TTC6: variants seen among roughly 807,000 people sequenced by gnomAD.
The protein encoded by TTC6 is tetratricopeptide repeat protein 6.
TTC6 carries 172 observed loss-of-function variants against 210.4 expected under a neutral mutation model. That is an observed-to-expected ratio of 0.82 (90% confidence interval 0.72 to 0.93). The LOEUF is 0.93. Ranked by LOEUF, TTC6 falls within the 40% of genes least tolerant of loss-of-function variation. TTC6 has a pLI of 0.00. For synonymous variants in TTC6, 804 were observed against 819.6 expected (o/e 0.98, Z 0.32); for missense variants, 2,414 against 2,318.1 (o/e 1.04, Z -0.85).
intron 6 of TTC6, chr14:37,720,415 A>G (rs2095859553): frequency 6.6e-6 from 1 of 152,172 alleles, no homozygotes; most frequent in South Asian, 2.1e-4. Flanking sequence ...TAATTTGTAC[A>G]CAAAATTCAT....
rs146811051 is a variant in TTC6 at position 37,637,882 on chromosome 14, T to C, written c.939+14879T>C. On this transcript the variant is annotated intron_variant, in intron 1 of 30. Coordinates refer to ENST00000553443, the Ensembl canonical transcript of TTC6. Reference sequence around the variant, plus strand: ...TGCTGGATTACTCATACGTTGTTGGTAGGAATATAAGATGACATAGCCACT... The same window carrying C: ...TGCTGGATTACTCATACGTTGTTGGCAGGAATATAAGATGACATAGCCACT... Among the ~76,000 whole-genome samples, 886 of 152,284 alleles carry C rather than the reference T, an allele frequency of 5.8e-3. 13 individuals are homozygous for C. The highest frequency in any genetic ancestry group is 0.02 in the African/African-American group (832 of 41,550).
upstream of TTC6, among the ~76,000 whole-genome samples, chr14:37,618,122 A>G (rs2095645640): frequency 6.6e-6 from 1 of 152,202 alleles, no homozygotes; most frequent in Non-Finnish European, 1.5e-5. Context: ...TACAGTCTAG[A>G]GCAAAGTTTT....
intron 1 of TTC6, among the ~76,000 whole-genome samples, chr14:37,624,709 C>G (rs1227621973): frequency 6.6e-6 from 1 of 152,000 alleles, no homozygotes; most frequent in Non-Finnish European, 1.5e-5. Context: ...GCCACCTTCA[C>G]CTCCTGGGTT....
At chr14:37,691,629 T>A (rs2095803757) in intron 3 of TTC6, among the ~76,000 whole-genome samples, 1 of 152,044 alleles carries the variant, frequency 6.6e-6, no homozygotes, top group Non-Finnish European at 1.5e-5. Context: ...TGATGGATCT[T>A]AAAGAACTAG....
chr14:37,721,920 A>G (rs1015108901), intron 6 of TTC6, among the ~76,000 whole-genome samples: 1 of 146,232 alleles, frequency 6.8e-6, no homozygotes, highest in Non-Finnish European at 1.5e-5. Context: ...ATATATGTAT[A>G]TATATATACA....
intron 14 of TTC6, among the ~76,000 whole-genome samples, chr14:37,783,312 G>C (rs879689871): frequency 6.6e-6 from 1 of 152,140 alleles, no homozygotes; most frequent in African/African-American, 2.4e-5. Flanking sequence ...TTCAGAGCCT[G>C]TTATTGGTCT....
intron 5 of TTC6, among the ~76,000 whole-genome samples, chr14:37,709,614 C>A (rs1247376513): frequency 2.6e-5 from 4 of 151,188 alleles, no homozygotes; most frequent in Non-Finnish European, 5.9e-5. Flanking sequence ...TATCATTCCA[C>A]CAGATGTCAC....
intron 1 of TTC6, among the ~76,000 whole-genome samples, chr14:37,643,698 A>G (rs1436461011): frequency 6.6e-6 from 1 of 152,162 alleles, no homozygotes; most frequent in Non-Finnish European, 1.5e-5. Flanking sequence ...CTTACTACAC[A>G]TTTATTAGGC....
chr14:37,798,916 G>A (rs2096099123), intron 20 of TTC6, among the ~76,000 whole-genome samples: 1 of 152,136 alleles, frequency 6.6e-6, no homozygotes. Context: ...GACCAACCAT[G>A]CATTCCTGGG....
At chr14:37,727,657 T>C (rs1297323280) in intron 7 of TTC6, among the ~76,000 whole-genome samples, 1 of 152,092 alleles carries the variant, frequency 6.6e-6, no homozygotes, top group East Asian at 1.9e-4. Context: ...AAAAATAATA[T>C]AAGTAATTTA....
chr14:37,792,502 T>C, intron 17 of TTC6, 88 bp downstream of exon 19: 1 of 1,111,538 alleles, frequency 9.0e-7, no homozygotes, highest in African/African-American at 1.6e-5. Flanking sequence ...TATATACATA[T>C]TTTAGCTAAT....
intron 1 of TTC6, among the ~76,000 whole-genome samples, chr14:37,651,156 A>G (rs2095710372): frequency 6.6e-6 from 1 of 151,676 alleles, no homozygotes; most frequent in African/African-American, 2.4e-5. Flanking sequence ...GTGTTTATGA[A>G]TTTTCTTTAC....
At chr14:37,805,778 G>A (rs2096117217) in intron 21 of TTC6, among the ~76,000 whole-genome samples, 1 of 152,076 alleles carries the variant, frequency 6.6e-6, no homozygotes, top group South Asian at 2.1e-4. Context: ...TCGGCTCACT[G>A]CAACCTCTGC....
At position 37,606,656 on chromosome 14, in the gene TTC6, T is replaced by C; in HGVS notation, c.-234-7T>C. ...CTTTAATCCCACCTTCAAATTTTTTTCCCTAGGAAAACCCTTTCCTGTATG... is the reference window on the plus strand; with the variant it reads ...CTTTAATCCCACCTTCAAATTTTTTCCCCTAGGAAAACCCTTTCCTGTATG... On this transcript the variant is annotated splice_polypyrimidine_tract_variant and splice_region_variant and intron_variant, in intron 1 of 2. Transcript: ENST00000556845. 1.1e-6 allele frequency: 1 copy of C among 923,296 alleles called. No homozygotes were observed. Among genetic ancestry groups the C allele is most frequent in the Middle Eastern group, 5.6e-4 (1 of 1,800 alleles). The allele number at this position is 923,296 out of a possible 1,614,324, so 57.2% of individuals were successfully genotyped here. A position where few individuals can be genotyped will look rare whatever the true frequency, so the allele number is the denominator to read the frequency against.
chr14:37,625,520 C>A (rs1404654931), intron 1 of TTC6, among the ~76,000 whole-genome samples: 1 of 149,996 alleles, frequency 6.7e-6, no homozygotes, highest in East Asian at 2.0e-4. Flanking sequence ...TGGACTCCAG[C>A]CTGGGGGACA....
rs1595223362 is a variant in TTC6 at position 37,766,597 on chromosome 14, T to C, written c.3266+13362T>C. Among the ~76,000 whole-genome samples, 4 of 152,268 alleles carry C rather than the reference T, an allele frequency of 2.6e-5. No homozygotes were observed. In the South Asian group the frequency reaches 8.3e-4, roughly 32 times the overall value. ...TGCTGTATATGTACCACGTTTTCTT[T>C]ACTCAATCTGTCATTGATGGGCATT... On this transcript the variant is annotated intron_variant, in intron 14 of 30. Transcript: ENST00000553443.
At chr14:37,794,744 T>C (rs986352148) in intron 17 of TTC6, among the ~76,000 whole-genome samples, 2 of 152,130 alleles carry the variant, frequency 1.3e-5, no homozygotes, top group Non-Finnish European at 2.9e-5. Flanking sequence ...TATTTCTTAG[T>C]CTTTATTCCT....
intron 26 of TTC6, among the ~76,000 whole-genome samples, chr14:37,818,841 G>A (rs1464299645): frequency 6.6e-6 from 1 of 152,082 alleles, no homozygotes; most frequent in East Asian, 1.9e-4. Flanking sequence ...CTTAAGAGAT[G>A]GAATAACGAT....
At chr14:37,785,869 G>A (rs958503306) in intron 14 of TTC6, among the ~76,000 whole-genome samples, 3 of 152,208 alleles carry the variant, frequency 2.0e-5, no homozygotes, top group Non-Finnish European at 2.9e-5. Context: ...CTGCAGGTCT[G>A]TTGGAGTTTG....
Sources: allele counts gnomAD v4.1 joint callset (sites outside exome capture counted in the v4.1 genomes callset), GRCh38; gene constraint gnomAD v4.1.1; transcripts MANE v1.5; gene names NCBI Gene and HGNC (gene_info 2026-07-23, HGNC 2026-07-21).